Variants in TTC27 observed in about 807,000 individuals in gnomAD.
TTC27 encodes tetratricopeptide repeat protein 27.
A neutral mutation model predicts 115.9 loss-of-function variants in TTC27; 79 were observed. The observed-to-expected ratio is 0.68, with a 90% CI of 0.57 to 0.82. The LOEUF (loss-of-function observed/expected upper bound fraction) is 0.82. TTC27 is among the 40% of genes least tolerant of loss of function. The pLI is 0.00. For synonymous variants in TTC27, 401 were observed against 356.0 expected (o/e 1.13, Z -1.42); for missense variants, 1,054 against 993.1 (o/e 1.06, Z -0.82).
intron 15 of TTC27, among the ~76,000 whole-genome samples, chr2:32,783,568 G>T (rs898365452): frequency 1.3e-5 from 2 of 152,252 alleles, no homozygotes; most frequent in Non-Finnish European, 2.9e-5. Flanking sequence ...AGATTTCAGT[G>T]TGGTAATCTC....
chr2:32,787,097 TTAAAG>T lies in TTC27; in HGVS notation c.1947_1951del (p.Lys650LeufsTer9). ...GACGTTGGGGAATTTTCAGAAGCCATTAAAGCTTATCACCGGCTCTTGGACTTACG... is the reference window on the plus strand; with the variant it reads ...GACGTTGGGGAATTTTCAGAAGCCATCTTATCACCGGCTCTTGGACTTACG... On this transcript the variant is annotated frameshift_variant, in exon 16 of 20. Coordinates refer to ENST00000317907, the MANE Select transcript of TTC27 (RefSeq NM_017735.5). LOFTEE classifies it high-confidence loss of function. 3.7e-6 allele frequency: 6 copies of T among 1,614,052 alleles called. No individual in the cohort carries two copies. The highest frequency in any genetic ancestry group is 5.1e-6 in the Non-Finnish European group (6 of 1,179,972).
intron 10 of TTC27, among the ~76,000 whole-genome samples, chr2:32,715,865 TG>T (rs1055138873): frequency 4.0e-5 from 6 of 151,640 alleles, no homozygotes; most frequent in Admixed American, 2.6e-4. Context: ...CCTTTATGTT[TG>T]TTTTTTTTTT....
chr2:32,770,619 A>C (rs903727360), intron 13 of TTC27, among the ~76,000 whole-genome samples: 5 of 152,192 alleles, frequency 3.3e-5, no homozygotes, highest in Non-Finnish European at 4.4e-5. Flanking sequence ...CATGTTAGGG[A>C]GTGACTCTCT....
At position 32,733,892 on chromosome 2, in the gene TTC27, G is replaced by T. The variant is rs150248174; in HGVS notation, c.1298G>T (p.Cys433Phe). Reference protein sequence around the residue: ...SVLERLKIFYCCQVPPHWAIQ... With the variant: ...SVLERLKIFYFCQVPPHWAIQ... ...TTGGAACGCCTGAAGATTTTCTATT[G>T]CTGTCAAGTACCACCTCACTGGGCC... Residue 433 changes from cysteine to phenylalanine, a missense_variant, in exon 11 of 20, where the codon TGC (cysteine) becomes TTC (phenylalanine). By Grantham distance (205) the Cys-to-Phe change is radical. Transcript: ENST00000317907. 1.2e-6 allele frequency: 2 copies of T among 1,611,792 alleles called. No individual in the cohort carries two copies. The highest frequency in any genetic ancestry group is 2.7e-5 in the African/African-American group (2 of 74,816).
In TTC27 at chr2:32,820,895, C is replaced by G. The variant is rs1231885367; in HGVS notation, c.2489C>G (p.Thr830Arg). ...DDITAMDTLV[T>R]ELQDLSNQFR... is the part of the protein sequence containing the mutation. ...ATAACAGCTATGGACACCTTAGTGA[C>G]AGAGCTCCAAGACCTAAGCAACCAG... Residue 830 changes from threonine to arginine, a missense_variant, in exon 20 of 20, where the codon ACA becomes AGA. Physicochemically the swap from Thr to Arg is moderately conservative, Grantham distance 71. Transcript: ENST00000317907. 6.5e-7 allele frequency: 1 copy of G among 1,536,098 alleles called. No individual in the cohort carries two copies. Among genetic ancestry groups the G allele is most frequent in the Non-Finnish European group, 8.8e-7 (1 of 1,137,078 alleles).
At chr2:32,678,514 G>A (rs1459463215) in intron 8 of TTC27, among the ~76,000 whole-genome samples, 3 of 151,756 alleles carry the variant, frequency 2.0e-5, no homozygotes, top group Admixed American at 6.6e-5. Context: ...TGCAAGCTCC[G>A]CCTCCCGGGT....
intron 12 of TTC27, among the ~76,000 whole-genome samples, chr2:32,745,248 G>A (rs924712686): frequency 6.6e-6 from 1 of 152,070 alleles, no homozygotes; most frequent in Non-Finnish European, 1.5e-5. Context: ...GAAAATTCTA[G>A]TAGACTTCGC....
At chr2:32,733,373 C>G (rs777539774) in intron 10 of TTC27, among the ~76,000 whole-genome samples, 1 of 152,198 alleles carries the variant, frequency 6.6e-6, no homozygotes, top group Non-Finnish European at 1.5e-5. Flanking sequence ...AGAACTTGCT[C>G]TCTGTGATCA....
intron 10 of TTC27, among the ~76,000 whole-genome samples, chr2:32,727,588 G>A (rs989431770): frequency 3.3e-5 from 5 of 152,030 alleles, no homozygotes; most frequent in African/African-American, 1.2e-4. Flanking sequence ...TCTGTGTGAG[G>A]ACAGATTTCC....
intron 6 of TTC27, among the ~76,000 whole-genome samples, chr2:32,664,984 C>G (rs935658263): frequency 9.2e-5 from 14 of 152,132 alleles, no homozygotes; most frequent in African/African-American, 2.9e-4. Context: ...GGGTGCCCAC[C>G]ACCACGCCTG....
At chr2:32,651,252 T>C (rs1052012609) in intron 5 of TTC27, among the ~76,000 whole-genome samples, 8 of 152,192 alleles carry the variant, frequency 5.3e-5, no homozygotes, top group Admixed American at 3.9e-4. Flanking sequence ...TGATCTGTAC[T>C]TGATGGAGGT....
At chr2:32,748,376 T>C (rs183670760) in intron 12 of TTC27, among the ~76,000 whole-genome samples, 106 of 152,310 alleles carry the variant, frequency 7.0e-4, no homozygotes, top group African/African-American at 2.4e-3. Flanking sequence ...GGAGAATGTT[T>C]ATGTGCACTT....
chr2:32,691,068 A>G (rs980275876), intron 9 of TTC27, among the ~76,000 whole-genome samples: 1 of 152,200 alleles, frequency 6.6e-6, no homozygotes, highest in Admixed American at 6.5e-5. Flanking sequence ...TGTCATTTAA[A>G]GGGATCCTAG....
chr2:32,757,153 G>A (rs1173831343), intron 12 of TTC27, among the ~76,000 whole-genome samples: 1 of 152,078 alleles, frequency 6.6e-6, no homozygotes, highest in Non-Finnish European at 1.5e-5. Flanking sequence ...TGTAAATTTA[G>A]ATACAATTTA....
chr2:32,793,388 G>A (rs903874640), intron 16 of TTC27, among the ~76,000 whole-genome samples: 1 of 152,204 alleles, frequency 6.6e-6, no homozygotes, highest in African/African-American at 2.4e-5. Flanking sequence ...TGCCCTGCAT[G>A]AAATGCTCAA....
intron 4 of TTC27, among the ~76,000 whole-genome samples, chr2:32,641,403 A>G (rs927385303): frequency 1.3e-5 from 2 of 152,248 alleles, no homozygotes; most frequent in Non-Finnish European, 2.9e-5. Context: ...ATTTGTGGAC[A>G]CTGAAACTTA....
At chr2:32,770,055 A>T (rs1669776642) in intron 13 of TTC27, among the ~76,000 whole-genome samples, 1 of 152,210 alleles carries the variant, frequency 6.6e-6, no homozygotes. Flanking sequence ...GGATTTGGAT[A>T]GGTGGAAAAA....
Position 32,807,234 on chromosome 2 carries a change from A to G in TTC27, c.1999-3790A>G, listed in dbSNP as rs563550201. On this transcript the variant is annotated intron_variant, in intron 16 of 19. Coordinates refer to ENST00000317907, the MANE Select transcript of TTC27 (RefSeq NM_017735.5). ...GCTTTTTCTCTGTTTTTAAATGTATATTAAAATAACAGATATATAGTTTTA... is the reference window on the plus strand; with the variant it reads ...GCTTTTTCTCTGTTTTTAAATGTATGTTAAAATAACAGATATATAGTTTTA... Among the ~76,000 whole-genome samples the G allele has an allele frequency of 4.5e-4, 68 of 152,304 alleles. No homozygotes were observed. The South Asian group carries it at 6.4e-3, about 14-fold the overall frequency.
chr2:32,673,812 T>C (rs185986244), intron 8 of TTC27, among the ~76,000 whole-genome samples: 1,537 of 151,964 alleles, frequency 0.01, 15 homozygotes, highest in Middle Eastern at 0.027. Flanking sequence ...CTGGCCAACA[T>C]GGTGAAATCC....
Sources: gnomAD v4.1 joint callset for allele counts (sites outside exome capture counted in the v4.1 genomes callset) on GRCh38, gnomAD v4.1.1 for gene constraint, MANE v1.5 for transcripts, NCBI Gene and HGNC (gene_info 2026-07-23, HGNC 2026-07-21) for gene names.